The following SLC35B4 variants were observed in gnomAD, a reference collection of about 807,000 sequenced individuals.
SLC35B4 encodes solute carrier family 35 member B4.
A neutral mutation model predicts 39.5 loss-of-function variants in SLC35B4; 28 were observed. The ratio of observed to expected loss-of-function variants is 0.71; its 90% confidence interval spans 0.53 to 0.97. The LOEUF (loss-of-function observed/expected upper bound fraction) is 0.97, where lower values mean the gene tolerates loss of function less well. Among genes scored for constraint, SLC35B4 ranks in the 50% least tolerant of loss-of-function variants. The pLI, the probability that SLC35B4 is intolerant of heterozygous loss-of-function variation, is 0.00. For synonymous variants in SLC35B4, 145 were observed against 150.4 expected (o/e 0.96, Z 0.26); for missense variants, 334 against 414.3 (o/e 0.81, Z 1.68).
rs1803419495 is a variant in SLC35B4, at chr7:134,294,779, C to T, written c.*54G>A. The T allele has an allele frequency of 1.9e-6, 3 of 1,595,706 alleles. No homozygotes were observed. The highest frequency in any genetic ancestry group is 3.4e-5 in the Admixed American group (2 of 59,164). ...AACAAAAGCGAAACGGTGGTCAGAC[C>T]TTCACAGGGTCCCACCCTCACGACG... On this transcript the variant is annotated 3_prime_UTR_variant, in exon 10 of 10. Transcript: ENST00000378509.
At position 134,296,441 on chromosome 7, in the gene SLC35B4, T is replaced by G; in HGVS notation, c.699A>C (p.Gly233=). ...KSELYEIPVI[G]VTLPIMWFYL... is the part of the protein sequence containing the mutation. The stretch of plus-strand genomic sequence containing the variant: ...AGAACCACATGATGGGCAGGGTCAC[T>G]CCGATGACGGGAATTTCATATAACT... The change falls in exon 9 of 10, where the codon GGA becomes GGC. Residue 233 remains glycine, a synonymous_variant. Coordinates refer to ENST00000378509, the MANE Select transcript of SLC35B4 (RefSeq NM_032826.5). The G allele has an allele frequency of 6.2e-7, 1 of 1,613,932 alleles. No individual in the cohort carries two copies. The highest frequency in any genetic ancestry group is 8.5e-7 in the Non-Finnish European group (1 of 1,179,884).
At chr7:134,301,847 T>TA in intron 5 of SLC35B4, 26 bp from the exon 6 acceptor site, 2 of 1,608,322 alleles carry the variant, frequency 1.2e-6, no homozygotes, top group Non-Finnish European at 1.7e-6. Context: ...ATAAACTAGG[T>TA]ACAGAGAGCA....
Position 134,289,526 on chromosome 7 carries a change from T to C in SLC35B4, c.*5307A>G, listed in dbSNP as rs1488177330. The C allele has an allele frequency of 6.6e-6, 1 of 152,636 alleles. No homozygotes were observed. The highest frequency in any genetic ancestry group is 2.4e-5 in the African/African-American group (1 of 41,446). 9.5% of individuals were successfully genotyped at this position (152,636 alleles called of 1,614,324 possible). A position where few individuals can be genotyped will look rare whatever the true frequency, so the allele number is the denominator to read the frequency against. ...CTCCCCCATCTTTGTTCTTAAAACCTAATGGTAATACTGTATGAAGAGCTC... is the reference window on the plus strand; with the variant it reads ...CTCCCCCATCTTTGTTCTTAAAACCCAATGGTAATACTGTATGAAGAGCTC... On this transcript the variant is annotated 3_prime_UTR_variant, in exon 10 of 10. Coordinates refer to ENST00000378509, the MANE Select transcript of SLC35B4 (RefSeq NM_032826.5).
At position 134,294,816 on chromosome 7, in the gene SLC35B4, C is replaced by T. The variant is rs181365635; in HGVS notation, c.*17G>A. ...CCACCCTCACGACGACACTGGTCTA[C>T]GTACTCCAGACAGGCCTCAGTTCTT... On this transcript the variant is annotated 3_prime_UTR_variant, in exon 10 of 10. Coordinates refer to ENST00000378509, the MANE Select transcript of SLC35B4 (RefSeq NM_032826.5). 58 of 1,611,998 alleles carry T rather than the reference C, an allele frequency of 3.6e-5. No homozygotes were observed. Among genetic ancestry groups the T allele is most frequent in the East Asian group, 1.1e-4 (5 of 44,874 alleles).
intron 2 of SLC35B4, among the ~76,000 whole-genome samples, chr7:134,307,718 C>T (rs1288226801): frequency 6.6e-6 from 1 of 152,176 alleles, no homozygotes; most frequent in Non-Finnish European, 1.5e-5. Context: ...TATGACAGCA[C>T]TGAGTCCTAA....
chr7:134,319,405 A>T (rs1563221985), upstream of SLC35B4, among the ~76,000 whole-genome samples: 1 of 152,210 alleles, frequency 6.6e-6, no homozygotes, highest in Non-Finnish European at 1.5e-5. Context: ...TCTGTTTATA[A>T]GACATGAGTC....
intron 3 of SLC35B4, among the ~76,000 whole-genome samples, chr7:134,305,694 G>T (rs2117302476): frequency 6.6e-6 from 1 of 152,186 alleles, no homozygotes; most frequent in East Asian, 1.9e-4. Context: ...CCCTCAGACG[G>T]AGTTTTGCTC....
At position 134,292,146 on chromosome 7, in the gene SLC35B4, T is replaced by C. The variant is rs1389820304; in HGVS notation, c.*2687A>G. The C allele has an allele frequency of 3.9e-5, 6 of 154,816 alleles. No individual in the cohort carries two copies. The highest frequency in any genetic ancestry group is 5.9e-5 in the Non-Finnish European group (4 of 68,228). 9.6% of individuals were successfully genotyped at this position (154,816 alleles called of 1,614,324 possible). A position where few individuals can be genotyped will look rare whatever the true frequency, so the allele number is the denominator to read the frequency against. On this transcript the variant is annotated 3_prime_UTR_variant, in exon 10 of 10. Transcript: ENST00000378509. ...AGAGACATTTAATAGACATTTCTCT[T>C]CCAGTTAAGTAGGAGTCTGATCTTC...
At chr7:134,301,732 A>G (rs1433335339) in intron 6 of SLC35B4, 29 bp downstream of exon 6, 1 of 1,599,900 alleles carries the variant, frequency 6.3e-7, no homozygotes. Flanking sequence ...TGCAGAGGCA[A>G]TTAGCTTTAT....
At chr7:134,304,752 C>T in intron 4 of SLC35B4, 53 bp downstream of exon 4, 3 of 1,407,052 alleles carry the variant, frequency 2.1e-6, no homozygotes, top group Non-Finnish European at 3.0e-6. Context: ...AGCTTATGGA[C>T]AGGGGCTCAG....
chr7:134,319,229 A>C (rs1300863545), upstream of SLC35B4, among the ~76,000 whole-genome samples: 1 of 152,194 alleles, frequency 6.6e-6, no homozygotes, highest in East Asian at 1.9e-4. Flanking sequence ...ATCTCCAATC[A>C]GCTTCTTAAA....
At chr7:134,310,828 T>C (rs184187085) in intron 1 of SLC35B4, among the ~76,000 whole-genome samples, 28 of 152,302 alleles carry the variant, frequency 1.8e-4, no homozygotes, top group Non-Finnish European at 3.8e-4. Flanking sequence ...ATTACAGGCG[T>C]GAGCCACCAC....
In SLC35B4 at chr7:134,294,999, T is replaced by A. The variant is rs1291687110; in HGVS notation, c.830A>T (p.Lys277Ile). The A allele has an allele frequency of 1.2e-6, 2 of 1,613,884 alleles. No individual in the cohort carries two copies. Among genetic ancestry groups the A allele is most frequent in the Non-Finnish European group, 1.7e-6 (2 of 1,179,978 alleles). The part of the protein sequence containing the change: ...LTVTLVVTLR[K>I]FVSLIFSILY... ...GATGGAAAAGATGAGGCTCACAAAT[T>A]TGCGTAGGGTCACGACGAGCGTGAC... The change falls in exon 10 of 10, where the codon AAA becomes ATA. Residue 277 changes from lysine to isoleucine, a missense_variant. By Grantham distance (102) the Lys-to-Ile change is moderately radical (BLOSUM62 -3). Transcript: ENST00000378509.
At position 134,293,558 on chromosome 7, in the gene SLC35B4, A is replaced by G. The variant is rs1376458060; in HGVS notation, c.*1275T>C. 6.6e-6 allele frequency: 1 copy of G among 152,120 alleles called. No individual in the cohort carries two copies. The highest frequency in any genetic ancestry group is 1.5e-5 in the Non-Finnish European group (1 of 68,040). The allele number at this position is 152,120 out of a possible 1,614,324, so 9.4% of individuals were successfully genotyped here. ...TACACATCACACACTATATATCTCC[A>G]TCTATGCATTCCCTTGATGGGTCGT... On this transcript the variant is annotated 3_prime_UTR_variant, in exon 10 of 10. Coordinates refer to ENST00000378509, the MANE Select transcript of SLC35B4 (RefSeq NM_032826.5).
chr7:134,312,233 C>G (rs992442778), intron 1 of SLC35B4, among the ~76,000 whole-genome samples: 1 of 151,990 alleles, frequency 6.6e-6, no homozygotes, highest in South Asian at 2.1e-4. Flanking sequence ...ATTTCACTGT[C>G]GTAGTGAGTA....
intron 5 of SLC35B4, 56 bp from the exon 6 acceptor site, chr7:134,301,877 G>A (rs780477894): frequency 1.6e-5 from 25 of 1,542,516 alleles, no homozygotes; most frequent in African/African-American, 4.1e-5. Context: ...GCAAGGTGCC[G>A]ACATACAAGG....
chr7:134,298,797 T>A (rs1291068957), intron 8 of SLC35B4, among the ~76,000 whole-genome samples: 1 of 152,218 alleles, frequency 6.6e-6, no homozygotes, highest in Non-Finnish European at 1.5e-5. Context: ...CTACTGTCAT[T>A]CTACAAAATG....
chr7:134,293,257 G>A lies in SLC35B4; in HGVS notation c.*1576C>T, dbSNP rs1803375630. Reference sequence around the variant, plus strand: ...GTATGTAAGGTTCCAGCTAAGTAAAGAAAAGGGATGTGAAAGTGCAGCCAC... The same window carrying A: ...GTATGTAAGGTTCCAGCTAAGTAAAAAAAAGGGATGTGAAAGTGCAGCCAC... On this transcript the variant is annotated 3_prime_UTR_variant, in exon 10 of 10. Transcript: ENST00000378509. The A allele has an allele frequency of 6.6e-6, 1 of 152,152 alleles. No homozygotes were observed. Among genetic ancestry groups the A allele is most frequent in the Non-Finnish European group, 1.5e-5 (1 of 68,042 alleles). 9.4% of individuals were successfully genotyped at this position (152,152 alleles called of 1,614,324 possible). A position where few individuals can be genotyped will look rare whatever the true frequency, so the allele number is the denominator to read the frequency against.
chr7:134,313,330 C>T (rs1454687377), intron 1 of SLC35B4, among the ~76,000 whole-genome samples: 3 of 152,152 alleles, frequency 2.0e-5, no homozygotes, highest in Admixed American at 6.5e-5. Context: ...TTGGGCAGAT[C>T]GTTTATGCCG....
Sources: gnomAD v4.1 joint callset for allele counts (sites outside exome capture counted in the v4.1 genomes callset) on GRCh38, gnomAD v4.1.1 for gene constraint, MANE v1.5 for transcripts, NCBI Gene and HGNC (gene_info 2026-07-23, HGNC 2026-07-21) for gene names.